The following C7 variants were observed in gnomAD, a reference collection of about 807,000 sequenced individuals.
C7 encodes complement component C7.
A neutral mutation model predicts 104.8 loss-of-function variants in C7; 83 were observed. The ratio of observed to expected loss-of-function variants is 0.79; its 90% CI spans 0.66 to 0.95. C7 has a LOEUF of 0.95. Ranked by LOEUF, C7 falls within the 40% of genes least tolerant of loss-of-function variation. The pLI is 0.00. For synonymous variants in C7, 415 were observed against 360.6 expected, an observed-to-expected ratio of 1.15 and a Z score of -1.71; for missense variants, 1,070 against 1,011.2, an observed-to-expected ratio of 1.06 and a Z score of -0.79.
chr5:40,922,374 C>CAAA lies in C7; in HGVS notation c.7-6181_7-6179dup, dbSNP rs869109946. ...TGGGCAACAGAGTGAGACTCTGTCTCAAAAAAAAAAAAAAAAAAAAAAAAA... is the reference window on the plus strand; with the variant it reads ...TGGGCAACAGAGTGAGACTCTGTCTCAAAAAAAAAAAAAAAAAAAAAAAAAAAA... On this transcript the variant is annotated intron_variant, in intron 1 of 17. Transcript: ENST00000313164. Among the ~76,000 whole-genome samples the CAAA allele has an allele frequency of 1.7e-3, 72 of 43,070 alleles. 2 individuals are homozygous for CAAA. Among genetic ancestry groups the CAAA allele is most frequent in the South Asian group, 5.3e-3 (5 of 948 alleles). 28.3% of individuals were successfully genotyped at this position (43,070 alleles called of 152,430 possible).
intron 1 of C7, among the ~76,000 whole-genome samples, chr5:40,926,053 TATC>T (rs1375808081): frequency 6.6e-6 from 1 of 152,186 alleles, no homozygotes; most frequent in African/African-American, 2.4e-5. Flanking sequence ...CCATTAAAAG[TATC>T]ATCTACCACG....
intron 14 of C7, among the ~76,000 whole-genome samples, chr5:40,968,189 G>A (rs955564916): frequency 1.1e-4 from 16 of 151,244 alleles, no homozygotes; most frequent in African/African-American, 3.4e-4. Context: ...GCAGTGGTGC[G>A]ATCTCGGCTC....
intron 14 of C7, among the ~76,000 whole-genome samples, chr5:40,965,937 C>G (rs1740542086): frequency 6.6e-6 from 1 of 151,860 alleles, no homozygotes; most frequent in Non-Finnish European, 1.5e-5. Context: ...GCTACTGTGC[C>G]CAGCCTATTT....
intron 1 of C7, among the ~76,000 whole-genome samples, chr5:40,920,006 A>T (rs1739406355): frequency 6.6e-6 from 1 of 152,166 alleles, no homozygotes; most frequent in Admixed American, 6.5e-5. Flanking sequence ...GAAATAAATG[A>T]AATAGAGACT....
chr5:40,912,578 C>CA (rs1739231212), intron 1 of C7, among the ~76,000 whole-genome samples: 1 of 145,462 alleles, frequency 6.9e-6, no homozygotes, highest in African/African-American at 2.8e-5. Flanking sequence ...AGGCTGGCCT[C>CA]AAATTCCTGG....
intron 2 of C7, among the ~76,000 whole-genome samples, chr5:40,928,906 T>C (rs1739614386): frequency 6.6e-6 from 1 of 152,238 alleles, no homozygotes. Flanking sequence ...TGGTTTTATC[T>C]GTAATGCAGA....
chr5:40,938,563 T>C (rs1350514655), intron 6 of C7, among the ~76,000 whole-genome samples: 1 of 152,200 alleles, frequency 6.6e-6, no homozygotes, highest in Non-Finnish European at 1.5e-5. Context: ...CCTCATAGGA[T>C]ATGTATGTAC....
At chr5:40,978,873 ATTTTTT>A (rs372551834) in intron 16 of C7, among the ~76,000 whole-genome samples, 6 of 80,090 alleles carry the variant, frequency 7.5e-5, no homozygotes, top group East Asian at 3.6e-4. Context: ...TTTTATGGAA[ATTTTTT>A]TTTTTTTTTT....
chr5:40,967,625 G>A, intron 14 of C7: 1 of 196,362 alleles, frequency 5.1e-6, no homozygotes, highest in Non-Finnish European at 1.1e-5. Context: ...CTGTATTTGG[G>A]TGTGCTGTAT....
chr5:40,919,144 G>A (rs1198443331), intron 1 of C7, among the ~76,000 whole-genome samples: 57 of 144,308 alleles, frequency 3.9e-4, no homozygotes, highest in Non-Finnish European at 7.5e-5. Flanking sequence ...TTTTTTTTGA[G>A]TTGGAGTCTT....
chr5:40,927,910 A>C (rs1241973096), intron 1 of C7, among the ~76,000 whole-genome samples: 1 of 152,148 alleles, frequency 6.6e-6, no homozygotes, highest in Non-Finnish European at 1.5e-5. Flanking sequence ...AAAACTTAAA[A>C]AAATTATCAT....
chr5:40,963,775 C>T lies in C7; in HGVS notation c.1750-966C>T, dbSNP rs111686851. ...TCCACCTTGCTTCGCCATGAAAGCTCGCTTCCTGCCATTATAGGTTAGTGA... is the reference window on the plus strand; with the variant it reads ...TCCACCTTGCTTCGCCATGAAAGCTTGCTTCCTGCCATTATAGGTTAGTGA... On this transcript the variant is annotated intron_variant, in intron 13 of 17. Transcript: ENST00000313164. Among the ~76,000 whole-genome samples, 244 of 152,206 alleles carry T rather than the reference C, an allele frequency of 1.6e-3. 1 individual carries two copies. Among genetic ancestry groups the T allele is most frequent in the African/African-American group, 5.6e-3 (232 of 41,522 alleles).
chr5:40,937,450 G>T, intron 5 of C7, 102 bp from the exon 6 acceptor site: 1 of 1,200,348 alleles, frequency 8.3e-7, no homozygotes, highest in Non-Finnish European at 1.2e-6. Context: ...TGCATTTTAA[G>T]AATTTGTAGA....
intron 3 of C7, among the ~76,000 whole-genome samples, chr5:40,932,099 G>A (rs1739697120): frequency 6.6e-6 from 1 of 151,956 alleles, no homozygotes; most frequent in African/African-American, 2.4e-5. Context: ...AACAGCATTT[G>A]GTATTTATTC....
chr5:40,969,228 A>C (rs1195172169), intron 14 of C7, among the ~76,000 whole-genome samples: 1 of 150,846 alleles, frequency 6.6e-6, no homozygotes, highest in Non-Finnish European at 1.5e-5. Flanking sequence ...TAAGCAAATC[A>C]GAGTAAATAA....
intron 6 of C7, among the ~76,000 whole-genome samples, chr5:40,938,354 A>T (rs1220855845): frequency 1.3e-5 from 2 of 152,158 alleles, no homozygotes; most frequent in Non-Finnish European, 2.9e-5. Flanking sequence ...CATTTGTATA[A>T]ATAGAATCAT....
Position 40,972,606 on chromosome 5 carries a change from C to T in C7, c.2074+12C>T, listed in dbSNP as rs1443829659. On this transcript the variant is annotated intron_variant, in intron 15 of 17. Coordinates refer to ENST00000313164, the MANE Select transcript of C7 (RefSeq NM_000587.4). ...CTGTGTACAAAAAGGTGAGTGGCTTCCATGTCTATCCAAGGACACTTGTAC... is the reference window on the plus strand; with the variant it reads ...CTGTGTACAAAAAGGTGAGTGGCTTTCATGTCTATCCAAGGACACTTGTAC... The T allele has an allele frequency of 2.5e-6, 4 of 1,574,704 alleles. 1 individual carries two copies. Among genetic ancestry groups the T allele is most frequent in the Non-Finnish European group, 2.6e-6 (3 of 1,161,718 alleles).
In C7 at chr5:40,983,068, T is replaced by C. The variant is rs1740984452; in HGVS notation, c.*1495T>C. 6.6e-6 allele frequency: 1 copy of C among 152,370 alleles called. No individual in the cohort carries two copies. The highest frequency in any genetic ancestry group is 2.4e-5 in the African/African-American group (1 of 41,460). The allele number at this position is 152,370 out of a possible 1,614,324, so 9.4% of individuals were successfully genotyped here. A position where few individuals can be genotyped will look rare whatever the true frequency, so the allele number is the denominator to read the frequency against. On this transcript the variant is annotated 3_prime_UTR_variant, in exon 18 of 18. Coordinates refer to ENST00000313164, the MANE Select transcript of C7 (RefSeq NM_000587.4). ...TATCAAAGTGTGCCCTAAGGGAAGA[T>C]GCAGATATAATATGTTGAAGTTACA...
Position 40,955,442 on chromosome 5 carries a change from C to T in C7, c.1149C>T (p.Gly383=). The T allele has an allele frequency of 2.5e-6, 4 of 1,613,008 alleles. No individual in the cohort carries two copies. Among genetic ancestry groups the T allele is most frequent in the Non-Finnish European group, 3.4e-6 (4 of 1,179,434 alleles). The change falls in exon 10 of 18, where the codon GGC becomes GGT. Residue 383 remains glycine, a synonymous_variant. Transcript: ENST00000313164. ...CGTTCATCAGAGGGGGAGGTGCAGG[C>T]TTCATATCTGGCCTTAGTTACCTAG... ...GEPFIRGGGA[G]FISGLSYLEL...
Sources: allele counts gnomAD v4.1 joint callset (sites outside exome capture counted in the v4.1 genomes callset), GRCh38; gene constraint gnomAD v4.1.1; transcripts MANE v1.5; gene names NCBI Gene and HGNC (gene_info 2026-07-23, HGNC 2026-07-21).